SLC7A14: variants seen among roughly 807,000 people sequenced by gnomAD.
The protein encoded by SLC7A14 is solute carrier family 7 member 14, also known as gamma-aminobutyric acid transporter SLC7A14.
Under a neutral mutation model 60.2 loss-of-function variants are expected in SLC7A14, and 37 were observed. That is an observed-to-expected ratio of 0.61 (90% confidence interval 0.47 to 0.81). SLC7A14 has a LOEUF of 0.81. Ranked by LOEUF, SLC7A14 falls within the 30% of genes least tolerant of loss-of-function variation. The pLI is 0.00. For synonymous variants in SLC7A14, 399 were observed against 395.8 expected (o/e 1.01, Z -0.10); for missense variants, 886 against 982.7 (o/e 0.90, Z 1.32).
chr3:170,501,400 T>C, intron 2 of SLC7A14, 55 bp from the exon 3 acceptor site: 1 of 1,454,218 alleles, frequency 6.9e-7, no homozygotes, highest in Non-Finnish European at 9.7e-7. Context: ...GCTGACATCC[T>C]GTGGCCAACA....
Position 170,501,337 on chromosome 3 carries a change from A to G in SLC7A14, c.313T>C (p.Tyr105His). The G allele has an allele frequency of 6.2e-7, 1 of 1,613,898 alleles. No individual in the cohort carries two copies. The highest frequency in any genetic ancestry group is 1.1e-5 in the South Asian group (1 of 91,070). The change falls in exon 3 of 8, where the codon TAT becomes CAT. Residue 105 changes from tyrosine to histidine, a missense_variant. Coordinates refer to ENST00000231706, the MANE Select transcript of SLC7A14 (RefSeq NM_020949.3). ...GGGACTCGAACTCCAAACTCTGCAT[A>G]GCAGACGCCTGCAAGGGACAGACAT... ...AVASILSGVC[Y>H]AEFGVRVPKT...
Position 170,552,488 on chromosome 3 carries a change from G to C in SLC7A14, c.-152-25400C>G, listed in dbSNP as rs538393815. On this transcript the variant is annotated intron_variant, in intron 1 of 7. Coordinates refer to ENST00000231706, the MANE Select transcript of SLC7A14 (RefSeq NM_020949.3). ...ATGGTATTGTGTTCTGGGATGCTGAGATCATTATTAACAGGTTTTTGACCT... is the reference window on the plus strand; with the variant it reads ...ATGGTATTGTGTTCTGGGATGCTGACATCATTATTAACAGGTTTTTGACCT... 5.3e-5 allele frequency among the ~76,000 whole-genome samples: 8 copies of C among 152,264 alleles called. No individual in the cohort carries two copies. The South Asian group carries it at 1.7e-3, about 32-fold the overall frequency.
At chr3:170,467,584 C>T (rs991119571) in intron 7 of SLC7A14, among the ~76,000 whole-genome samples, 1 of 152,130 alleles carries the variant, frequency 6.6e-6, no homozygotes, top group African/African-American at 2.4e-5. Flanking sequence ...CGTTAAGTAA[C>T]CCATATTTAC....
At chr3:170,524,100 G>A (rs1299233014) in intron 2 of SLC7A14, among the ~76,000 whole-genome samples, 1 of 152,098 alleles carries the variant, frequency 6.6e-6, no homozygotes, top group Non-Finnish European at 1.5e-5. Context: ...GTGCTGTGGT[G>A]AAGGCCTCAA....
At chr3:170,551,910 T>G (rs1227067643) in intron 1 of SLC7A14, among the ~76,000 whole-genome samples, 1 of 152,208 alleles carries the variant, frequency 6.6e-6, no homozygotes, top group Admixed American at 6.5e-5. Context: ...GTTTTTTGGA[T>G]TTGAAGTAGT....
chr3:170,584,736 A>G (rs543534693), intron 1 of SLC7A14, among the ~76,000 whole-genome samples: 1 of 152,168 alleles, frequency 6.6e-6, no homozygotes, highest in South Asian at 2.1e-4. Flanking sequence ...CATTCCCTGC[A>G]CTCAGTCGGA....
chr3:170,472,326 G>A (rs1183362590), intron 7 of SLC7A14, among the ~76,000 whole-genome samples: 2 of 150,490 alleles, frequency 1.3e-5, no homozygotes, highest in Non-Finnish European at 2.9e-5. Context: ...CTGAGATCAC[G>A]CCATTGCACT....
At chr3:170,528,301 A>G (rs1203787706) in intron 1 of SLC7A14, among the ~76,000 whole-genome samples, 2 of 152,242 alleles carry the variant, frequency 1.3e-5, no homozygotes, top group Non-Finnish European at 2.9e-5. Context: ...AAAGTTTAGT[A>G]AATTAGGAAC....
At chr3:170,544,828 A>T (rs1714131005) in intron 1 of SLC7A14, among the ~76,000 whole-genome samples, 1 of 152,236 alleles carries the variant, frequency 6.6e-6, no homozygotes, top group South Asian at 2.1e-4. Context: ...AGCAGTTAAC[A>T]TTTGTTAAAA....
intron 6 of SLC7A14, among the ~76,000 whole-genome samples, chr3:170,482,320 C>A (rs995774710): frequency 2.6e-5 from 4 of 152,218 alleles, no homozygotes; most frequent in Non-Finnish European, 4.4e-5. Context: ...GTTCCCACGC[C>A]TCCATCACCC....
At chr3:170,563,546 T>A in intron 1 of SLC7A14, among the ~76,000 whole-genome samples, 1 of 151,336 alleles carries the variant, frequency 6.6e-6, no homozygotes, top group East Asian at 1.9e-4. Flanking sequence ...GCCTCCTGAG[T>A]AGCTGGGATT....
intron 1 of SLC7A14, among the ~76,000 whole-genome samples, chr3:170,528,423 G>A (rs1459844645): frequency 6.6e-6 from 1 of 152,206 alleles, no homozygotes; most frequent in African/African-American, 2.4e-5. Context: ...AGTATAGCCA[G>A]ACGTTGATTC....
In SLC7A14 at chr3:170,461,878, G is replaced by C. The variant is rs1193887621; in HGVS notation, c.*5177C>G. The C allele has an allele frequency of 6.6e-6, 1 of 152,534 alleles. No homozygotes were observed. The highest frequency in any genetic ancestry group is 2.4e-5 in the African/African-American group (1 of 41,436). The allele number at this position is 152,534 out of a possible 1,614,324, so 9.4% of individuals were successfully genotyped here. On this transcript the variant is annotated 3_prime_UTR_variant, in exon 8 of 8. Coordinates refer to ENST00000231706, the MANE Select transcript of SLC7A14 (RefSeq NM_020949.3). The stretch of plus-strand genomic sequence containing the variant: ...TCCTTGACACGTCTTGTTCCAAACA[G>C]CATGAAAATGGAGCGCTGGCACACA...
chr3:170,559,210 A>G (rs1714571484), intron 1 of SLC7A14, among the ~76,000 whole-genome samples: 1 of 152,196 alleles, frequency 6.6e-6, no homozygotes, highest in East Asian at 1.9e-4. Context: ...GATTTTTTTC[A>G]GGGGACAAAA....
chr3:170,483,794 G>A (rs775475870), intron 5 of SLC7A14, among the ~76,000 whole-genome samples: 7 of 152,194 alleles, frequency 4.6e-5, no homozygotes, highest in Admixed American at 1.3e-4. Context: ...AAGTCTGCAG[G>A]TATTTCAGCC....
At position 170,472,548 on chromosome 3, in the gene SLC7A14, G is replaced by A. The variant is rs561971587; in HGVS notation, c.1994-5171C>T. 1.8e-4 allele frequency among the ~76,000 whole-genome samples: 27 copies of A among 152,078 alleles called. No homozygotes were observed. The South Asian group carries it at 3.9e-3, about 22-fold the overall frequency. ...TGGGAGGCGGAGGTGGGTGGATCAC[G>A]AGGTCAGGAGATCGAGACCATCCTC... On this transcript the variant is annotated intron_variant, in intron 7 of 7. Transcript: ENST00000231706.
intron 4 of SLC7A14, 55 bp downstream of exon 4, chr3:170,498,612 C>G: frequency 6.4e-7 from 1 of 1,550,462 alleles, no homozygotes; most frequent in Non-Finnish European, 8.9e-7. Context: ...AGGTTGGTCA[C>G]AGGGTAGAAG....
In SLC7A14 at chr3:170,535,488, A is replaced by C. The variant is rs1398139383; in HGVS notation, c.-152-8400T>G. On this transcript the variant is annotated intron_variant, in intron 1 of 7. Coordinates refer to ENST00000231706, the MANE Select transcript of SLC7A14 (RefSeq NM_020949.3). The surrounding 1 kb of genome is among the most constrained non-coding windows in gnomAD (Gnocchi z 4.3). ...AAATTATTGTAATCTACAGAATATC[A>C]GGAATTTAGGCACAAGGCAGCTTCA... Among the ~76,000 whole-genome samples, 1 of 152,180 alleles carries C rather than the reference A, an allele frequency of 6.6e-6. No individual in the cohort carries two copies. Among genetic ancestry groups the C allele is most frequent in the Non-Finnish European group, 1.5e-5 (1 of 68,018 alleles).
chr3:170,574,529 T>C (rs970307143), intron 1 of SLC7A14, among the ~76,000 whole-genome samples: 1 of 152,208 alleles, frequency 6.6e-6, no homozygotes, highest in African/African-American at 2.4e-5. Context: ...CCCTTTTTCT[T>C]CCTGAGCACA....
Sources: gnomAD v4.1 joint callset for allele counts (sites outside exome capture counted in the v4.1 genomes callset) on GRCh38, gnomAD v4.1.1 for gene constraint, Gnocchi (gnomAD v3.1) non-coding constraint, MANE v1.5 for transcripts, NCBI Gene and HGNC (gene_info 2026-07-23, HGNC 2026-07-21) for gene names.